Variants in APP observed in about 807,000 individuals in gnomAD.
APP encodes the protein amyloid-beta precursor protein.
Under a neutral mutation model 101.4 loss-of-function variants are expected in APP, and 31 were observed. The observed-to-expected ratio is 0.31, with a 90% confidence interval of 0.23 to 0.41. APP has a LOEUF of 0.41. Ranked by LOEUF, APP falls within the 10% of genes least tolerant of loss-of-function variation. The pLI, the probability that APP is intolerant of heterozygous loss-of-function variation, is 1.00. For synonymous variants in APP, 366 were observed against 364.4 expected (o/e 1.00, Z -0.05); for missense variants, 839 against 1,003.7 (o/e 0.84, Z 2.22).
intron 1 of APP, among the ~76,000 whole-genome samples, chr21:26,129,194 C>A (rs1414737048): frequency 1.3e-5 from 2 of 152,146 alleles, no homozygotes; most frequent in East Asian, 3.9e-4. Flanking sequence ...AGGTCTTGGA[C>A]AGGCACCATG....
intron 8 of APP, among the ~76,000 whole-genome samples, chr21:25,987,983 A>G (rs529411330): frequency 1.8e-4 from 28 of 152,302 alleles, no homozygotes; most frequent in African/African-American, 6.3e-4. Flanking sequence ...TATGGAGAAA[A>G]AGAGGAAAAA....
intron 2 of APP, among the ~76,000 whole-genome samples, chr21:26,096,115 T>C (rs1601447390): frequency 6.6e-6 from 1 of 152,310 alleles, no homozygotes; most frequent in East Asian, 1.9e-4. Context: ...TAAGATCCCT[T>C]AGACTACACT....
rs1252402045 is a variant in APP at position 25,880,721 on chromosome 21, T to C, written c.*949A>G. On this transcript the variant is annotated 3_prime_UTR_variant, in exon 18 of 18. Transcript: ENST00000346798. The stretch of plus-strand genomic sequence containing the variant: ...GAAACTTCAGACTGGTTAAAGAAAA[T>C]TGAATCTGCCTCTTCTCCCCACCCA... 1.3e-5 allele frequency: 2 copies of C among 152,234 alleles called. No individual in the cohort carries two copies. The highest frequency in any genetic ancestry group is 2.9e-5 in the Non-Finnish European group (2 of 68,038). The allele number at this position is 152,234 out of a possible 1,614,324, so 9.4% of individuals were successfully genotyped here.
At chr21:25,916,150 C>T (rs1230562910) in intron 13 of APP, among the ~76,000 whole-genome samples, 2 of 152,140 alleles carry the variant, frequency 1.3e-5, no homozygotes, top group Non-Finnish European at 2.9e-5. Context: ...TACAGGCACA[C>T]ACTACCATGA....
intron 13 of APP, among the ~76,000 whole-genome samples, chr21:25,938,108 T>G (rs2146421071): frequency 6.6e-6 from 1 of 152,300 alleles, no homozygotes; most frequent in East Asian, 1.9e-4. Flanking sequence ...ATACAGTTAA[T>G]GGACATTAAT....
chr21:26,027,992 C>T (rs142995719), intron 5 of APP, among the ~76,000 whole-genome samples: 55 of 151,928 alleles, frequency 3.6e-4, no homozygotes, highest in Admixed American at 1.2e-3. Flanking sequence ...GCCAGGAGTT[C>T]GAGACCAGCC....
At chr21:26,137,134 A>C (rs464262) in intron 1 of APP, among the ~76,000 whole-genome samples, 9,611 of 152,214 alleles carry the variant, frequency 0.063, 505 homozygotes, top group East Asian at 0.2. Flanking sequence ...TAGAGACAGC[A>C]TTTGGCCATG....
At chr21:25,947,707 G>A (rs1436545365) in intron 13 of APP, among the ~76,000 whole-genome samples, 1 of 152,070 alleles carries the variant, frequency 6.6e-6, no homozygotes, top group African/African-American at 2.4e-5. Flanking sequence ...TTGATAATAT[G>A]TATAAATGTT....
At chr21:26,148,110 T>G (rs454557) in intron 1 of APP, among the ~76,000 whole-genome samples, 5,071 of 152,250 alleles carry the variant, frequency 0.033, 218 homozygotes, top group East Asian at 0.2. Context: ...GCATGAGCAT[T>G]ACCCACCATT....
rs776739799 is a variant in APP at position 25,911,804 on chromosome 21, C to T, written c.1846G>A (p.Asp616Asn). The T allele has an allele frequency of 6.8e-6, 11 of 1,613,990 alleles. No homozygotes were observed. The highest frequency in any genetic ancestry group is 9.3e-6 in the Non-Finnish European group (11 of 1,180,034). ...LLPVNGEFSL[D>N]DLQPWHSFGA... is the part of the protein sequence containing the mutation. Reference sequence around the variant, plus strand: ...AAAGAATGCCACGGCTGGAGATCGTCCAGGCTGAACTCTCCATTCACGGGA... The same window carrying T: ...AAAGAATGCCACGGCTGGAGATCGTTCAGGCTGAACTCTCCATTCACGGGA... The change falls in exon 14 of 18, where the codon GAC (aspartate) becomes AAC (asparagine). Residue 616 changes from aspartate (D) to asparagine (N), a missense_variant. Asp to Asn is a conservative substitution (Grantham distance 23, BLOSUM62 1). Coordinates refer to ENST00000346798, the MANE Select transcript of APP (RefSeq NM_000484.4).
chr21:26,048,898 A>C (rs1001920192), intron 5 of APP, among the ~76,000 whole-genome samples: 1 of 152,210 alleles, frequency 6.6e-6, no homozygotes, highest in Admixed American at 6.5e-5. Flanking sequence ...AAGGAAAAAT[A>C]TTTCAGATGG....
chr21:25,913,335 T>C (rs1255490678), intron 13 of APP, among the ~76,000 whole-genome samples: 1 of 152,240 alleles, frequency 6.6e-6, no homozygotes, highest in Non-Finnish European at 1.5e-5. Flanking sequence ...TGAGTTATAA[T>C]ATATCCCTAT....
intron 13 of APP, among the ~76,000 whole-genome samples, chr21:25,948,761 G>C (rs1234958733): frequency 2.6e-5 from 4 of 152,074 alleles, no homozygotes; most frequent in Admixed American, 6.5e-5. Context: ...CCAATACAAA[G>C]AGTAGAATAG....
At chr21:25,917,621 T>TA (rs1452385907) in intron 13 of APP, among the ~76,000 whole-genome samples, 1 of 152,226 alleles carries the variant, frequency 6.6e-6, no homozygotes, top group Non-Finnish European at 1.5e-5. Flanking sequence ...AGTTATGTGT[T>TA]ACAAGTGTCA....
intron 1 of APP, among the ~76,000 whole-genome samples, chr21:26,154,635 C>T (rs1486512823): frequency 6.6e-6 from 1 of 152,086 alleles, no homozygotes; most frequent in Admixed American, 6.5e-5. Context: ...ACCTTAGTAA[C>T]TAAAGGGGAT....
chr21:26,140,270 A>G (rs1427195787), intron 1 of APP: 7 of 1,535,714 alleles, frequency 4.6e-6, no homozygotes, highest in African/African-American at 1.4e-5. Flanking sequence ...GAGATCAACA[A>G]ACTGTTAACT....
intron 8 of APP, among the ~76,000 whole-genome samples, chr21:25,990,519 T>G (rs1032204914): frequency 6.6e-6 from 1 of 152,236 alleles, no homozygotes; most frequent in African/African-American, 2.4e-5. Flanking sequence ...TATTCTTGAC[T>G]TCGTTAATGG....
At chr21:25,898,334 A>G (rs1236635407) in intron 15 of APP, among the ~76,000 whole-genome samples, 7 of 152,232 alleles carry the variant, frequency 4.6e-5, no homozygotes, top group East Asian at 1.9e-4. Flanking sequence ...TTCCTTTTCT[A>G]TAAATTGCTA....
intron 13 of APP, among the ~76,000 whole-genome samples, chr21:25,923,432 A>T (rs2039720919): frequency 7.3e-6 from 1 of 137,720 alleles, no homozygotes; most frequent in South Asian, 2.4e-4. Context: ...CTACCATCAG[A>T]GTGAACAGGC....
Sources: allele counts gnomAD v4.1 joint callset (sites outside exome capture counted in the v4.1 genomes callset), GRCh38; gene constraint gnomAD v4.1.1; transcripts MANE v1.5; gene names NCBI Gene and HGNC (gene_info 2026-07-23, HGNC 2026-07-21).